Variants in SNX14 observed in about 807,000 individuals in gnomAD.
SNX14 encodes sorting nexin-14.
Under a neutral mutation model 133.8 loss-of-function variants are expected in SNX14, and 93 were observed. The observed-to-expected ratio is 0.70, with a 90% CI of 0.59 to 0.83. The LOEUF (loss-of-function observed/expected upper bound fraction) is 0.83, where lower values mean the gene tolerates loss of function less well. Among genes scored for constraint, SNX14 ranks in the 40% least tolerant of loss-of-function variants. SNX14 has a pLI of 0.00. For synonymous variants in SNX14, 368 were observed against 365.6 expected, an observed-to-expected ratio of 1.01 and a Z score of -0.07; for missense variants, 945 against 1,094.9, an observed-to-expected ratio of 0.86 and a Z score of 1.93.
rs1775661717 is a variant in SNX14, at chr6:85,518,065, A to C, written c.2108-17T>G. 6.3e-7 allele frequency: 1 copy of C among 1,591,004 alleles called. No individual in the cohort carries two copies. Among genetic ancestry groups the C allele is most frequent in the South Asian group, 1.1e-5 (1 of 87,830 alleles). ...TAATTTTCCCTGCAATTAAAAGTAAAACATTATTTTAGGAAGGCATAAAAC... is the reference window on the plus strand; with the variant it reads ...TAATTTTCCCTGCAATTAAAAGTAACACATTATTTTAGGAAGGCATAAAAC... On this transcript the variant is annotated splice_polypyrimidine_tract_variant and intron_variant, in intron 21 of 28. Transcript: ENST00000314673.
chr6:85,539,429 C>T (rs1034032945), intron 15 of SNX14, among the ~76,000 whole-genome samples: 1 of 151,972 alleles, frequency 6.6e-6, no homozygotes, highest in Non-Finnish European at 1.5e-5. Flanking sequence ...GCACAGTTAA[C>T]AAAAGATCTC....
chr6:85,543,959 T>A (rs1246504540), intron 12 of SNX14, among the ~76,000 whole-genome samples, 199 bp from the exon 13 acceptor site: 1 of 152,098 alleles, frequency 6.6e-6, no homozygotes, highest in Non-Finnish European at 1.5e-5. Context: ...TTTTATACAT[T>A]AATAGAAAAT....
At chr6:85,534,083 G>A (rs1781076847) in intron 17 of SNX14, among the ~76,000 whole-genome samples, 1 of 152,168 alleles carries the variant, frequency 6.6e-6, no homozygotes, top group African/African-American at 2.4e-5. Flanking sequence ...TGAGGTGGGA[G>A]GATTGCTTGG....
chr6:85,591,055 G>A (rs115373351), intron 1 of SNX14, among the ~76,000 whole-genome samples: 5 of 152,098 alleles, frequency 3.3e-5, no homozygotes, highest in Admixed American at 6.5e-5. Context: ...TATTCCACTC[G>A]GATTTCTGAC....
chr6:85,536,134 T>A (rs2128027575), intron 17 of SNX14, among the ~76,000 whole-genome samples: 1 of 152,266 alleles, frequency 6.6e-6, no homozygotes, highest in East Asian at 1.9e-4. Flanking sequence ...TCAGTTCAAC[T>A]TGGGGATTTG....
chr6:85,510,780 C>T (rs141424953), intron 26 of SNX14, among the ~76,000 whole-genome samples: 2 of 152,280 alleles, frequency 1.3e-5, no homozygotes, highest in Non-Finnish European at 2.9e-5. Context: ...AGAACAGTTG[C>T]TGTAAGTCTG....
At chr6:85,537,330 G>A (rs1321236291) in intron 16 of SNX14, among the ~76,000 whole-genome samples, 1 of 151,748 alleles carries the variant, frequency 6.6e-6, no homozygotes, top group African/African-American at 2.4e-5. Context: ...TAGAGTAACT[G>A]GACTAAAATT....
intron 23 of SNX14, 75 bp from the exon 24 acceptor site, chr6:85,514,704 T>A: frequency 6.9e-7 from 1 of 1,448,522 alleles, no homozygotes; most frequent in South Asian, 1.2e-5. Context: ...AAGGATTAAG[T>A]GTCACACAGC....
chr6:85,547,353 C>A lies in SNX14; in HGVS notation c.957G>T (p.Leu319Phe). 6.2e-7 allele frequency: 1 copy of A among 1,613,710 alleles called. No homozygotes were observed. Among genetic ancestry groups the A allele is most frequent in the African/African-American group, 1.3e-5 (1 of 75,020 alleles). Residue 319 changes from leucine to phenylalanine, a missense_variant, in exon 11 of 29, where the codon TTG (leucine) becomes TTT (phenylalanine). Leu to Phe is a conservative substitution (Grantham distance 22, BLOSUM62 0). Around this residue, in one of 3 missense-constraint regions of SNX14, gnomAD observed 514 missense variants for 538.8 expected, o/e 0.95. Coordinates refer to ENST00000314673, the MANE Select transcript of SNX14 (RefSeq NM_153816.6). ...TATTTCTAGGTTCTGCAAATTTCTGCAAGAATGGAACCAAAGGAGAAGCCG... is the reference window on the plus strand; with the variant it reads ...TATTTCTAGGTTCTGCAAATTTCTGAAAGAATGGAACCAAAGGAGAAGCCG... ...TEPASPLVPF[L>F]QKFAEPRNKK... is the part of the protein sequence containing the mutation.
Position 85,505,619 on chromosome 6 carries a change from C to A in SNX14, c.*348G>T. 1 of 204,958 alleles carries A rather than the reference C, an allele frequency of 4.9e-6. No individual in the cohort carries two copies. The highest frequency in any genetic ancestry group is 1.4e-4 in the East Asian group (1 of 6,930). 12.7% of individuals were successfully genotyped at this position (204,958 alleles called of 1,614,324 possible). A position where few individuals can be genotyped will look rare whatever the true frequency, so the allele number is the denominator to read the frequency against. ...AACTCTAAGAAAATCAGATCTTATT[C>A]CTGTTTCTCCATACTAGGCATAATT... is the stretch of plus-strand genomic sequence containing the variant. On this transcript the variant is annotated 3_prime_UTR_variant, in exon 29 of 29. Transcript: ENST00000314673.
chr6:85,547,136 C>A lies in SNX14; in HGVS notation c.1084G>T (p.Val362Leu). The A allele has an allele frequency of 1.2e-6, 2 of 1,613,868 alleles. No individual in the cohort carries two copies. Among genetic ancestry groups the A allele is most frequent in the African/African-American group, 1.3e-5 (1 of 75,024 alleles). Residue 362 changes from valine to leucine, a missense_variant, in exon 12 of 29, where the codon GTG (valine) becomes TTG (leucine). Physicochemically the swap from Val to Leu is conservative, Grantham distance 32. Transcript: ENST00000314673. ...CCCACAGTCAAACAAAACTGCAACA[C>A]GTGCACTGCGCCTTCTTGTTTCAGA... Reference protein sequence around the residue: ...NFLKQEGAVHVLQFCLTVEEF... With the variant: ...NFLKQEGAVHLLQFCLTVEEF...
chr6:85,565,560 G>GA, intron 5 of SNX14, 141 bp from the exon 6 acceptor site: 1 of 588,868 alleles, frequency 1.7e-6, no homozygotes, highest in Non-Finnish European at 3.0e-6. Context: ...TTTCATTGCA[G>GA]AAAAAAAGAC....
chr6:85,573,100 CGTTCA>C (rs1207346898), intron 2 of SNX14, among the ~76,000 whole-genome samples: 1 of 152,230 alleles, frequency 6.6e-6, no homozygotes, highest in Admixed American at 6.5e-5. Flanking sequence ...TGGGGCACCA[CGTTCA>C]GTTGTGTTTC....
intron 1 of SNX14, among the ~76,000 whole-genome samples, 159 bp from the exon 2 acceptor site, chr6:85,574,537 AATC>A (rs1264233919): frequency 6.6e-6 from 1 of 152,200 alleles, no homozygotes; most frequent in Non-Finnish European, 1.5e-5. Context: ...TAAATACAAG[AATC>A]ATAAGATGTA....
Position 85,542,956 on chromosome 6 carries a change from T to C in SNX14, c.1389+226A>G, listed in dbSNP as rs143348515. ...TAATTTTTTCTATTTTTAGTAGAGA[T>C]GGAGTTTCACCATGTTGGCCAGGTT... is the stretch of plus-strand genomic sequence containing the variant. On this transcript the variant is annotated intron_variant, in intron 14 of 28. Transcript: ENST00000314673. Among the ~76,000 whole-genome samples the C allele has an allele frequency of 0.082, 12,482 of 152,174 alleles. 832 individuals are homozygous for C. The highest frequency in any genetic ancestry group is 0.22 in the East Asian group (1,125 of 5,164).
intron 20 of SNX14, among the ~76,000 whole-genome samples, chr6:85,527,069 C>T (rs1334871549): frequency 6.6e-6 from 1 of 151,248 alleles, no homozygotes; most frequent in Non-Finnish European, 1.5e-5. Flanking sequence ...AACTCTGTCT[C>T]AAAAAATAAA....
At chr6:85,585,347 C>T (rs906348378) in intron 1 of SNX14, among the ~76,000 whole-genome samples, 1 of 151,922 alleles carries the variant, frequency 6.6e-6, no homozygotes, top group African/African-American at 2.4e-5. Flanking sequence ...AACAAACCCA[C>T]ATGTTCTGCA....
rs765837232 is a variant in SNX14, at chr6:85,547,136, C to T, written c.1084G>A (p.Val362Met). ...NFLKQEGAVHVLQFCLTVEEF... is the reference protein window; with the variant it reads ...NFLKQEGAVHMLQFCLTVEEF... ...CCCACAGTCAAACAAAACTGCAACA[C>T]GTGCACTGCGCCTTCTTGTTTCAGA... The change falls in exon 12 of 29, where the codon GTG becomes ATG. Residue 362 changes from valine (V) to methionine (M), a missense_variant. Around this residue, in one of 3 missense-constraint regions of SNX14, gnomAD observed 514 missense variants for 538.8 expected, o/e 0.95. Coordinates refer to ENST00000314673, the MANE Select transcript of SNX14 (RefSeq NM_153816.6). 117 of 1,613,750 alleles carry T rather than the reference C, an allele frequency of 7.3e-5. No homozygotes were observed. The highest frequency in any genetic ancestry group is 9.2e-5 in the Non-Finnish European group (108 of 1,179,860).
chr6:85,523,111 A>G (rs1030851511), intron 21 of SNX14, among the ~76,000 whole-genome samples: 1 of 152,196 alleles, frequency 6.6e-6, no homozygotes, highest in African/African-American at 2.4e-5. Context: ...AGGGGATTCA[A>G]TTTTGCTAAA....
Sources: gnomAD v4.1 joint callset for allele counts (sites outside exome capture counted in the v4.1 genomes callset) on GRCh38, gnomAD v4.1.1 for gene constraint, gnomAD v4.1.1 regional missense constraint, MANE v1.5 for transcripts, NCBI Gene and HGNC (gene_info 2026-07-23, HGNC 2026-07-21) for gene names.